NFIA: variants seen among roughly 807,000 people sequenced by gnomAD.
NFIA encodes nuclear factor 1 A-type.
A neutral mutation model predicts 62.8 loss-of-function variants in NFIA; 8 were observed. The observed-to-expected ratio is 0.13, with a 90% CI of 0.07 to 0.23. The LOEUF is 0.23. Among genes scored for constraint, NFIA ranks in the 10% least tolerant of loss-of-function variants. The pLI, the probability that NFIA is intolerant of heterozygous loss-of-function variation, is 1.00. For missense variants in NFIA, 410 were observed against 642.1 expected (o/e 0.64, Z 3.91); for synonymous variants, 235 against 238.1 (o/e 0.99, Z 0.12).
intron 2 of NFIA, among the ~76,000 whole-genome samples, chr1:61,151,597 G>A (rs981562513): frequency 2.0e-5 from 3 of 152,092 alleles, no homozygotes; most frequent in African/African-American, 4.8e-5. Context: ...ATTTTATGTC[G>A]CGTAACCATT....
upstream of NFIA, chr1:61,082,512 C>T: frequency 1.6e-6 from 2 of 1,260,078 alleles, no homozygotes; most frequent in East Asian, 3.6e-5. Flanking sequence ...ATGCCTTTAA[C>T]ACCCGCGTAC....
rs148460387 is a variant in NFIA at position 61,179,423 on chromosome 1, C to T, written c.559+90743C>T. Among the ~76,000 whole-genome samples the T allele has an allele frequency of 9.3e-3, 1,422 of 152,248 alleles. 14 individuals carry two copies. The highest frequency in any genetic ancestry group is 0.061 in the Middle Eastern group (18 of 294). On this transcript the variant is annotated intron_variant, in intron 2 of 10. Coordinates refer to ENST00000403491, the MANE Select transcript of NFIA (RefSeq NM_001134673.4). Reference sequence around the variant, plus strand: ...TGTATGCTGGGCAAGTCAATTTGTTCGAGTCTCAGTTTTCTCAGCTATAAA... The same window carrying T: ...TGTATGCTGGGCAAGTCAATTTGTTTGAGTCTCAGTTTTCTCAGCTATAAA...
intron 2 of NFIA, among the ~76,000 whole-genome samples, chr1:61,252,585 A>G (rs1656114205): frequency 2.0e-5 from 3 of 152,238 alleles, no homozygotes; most frequent in Admixed American, 2.0e-4. Context: ...ATTATTTTAG[A>G]AATATCTTTA....
intron 6 of NFIA, among the ~76,000 whole-genome samples, chr1:61,360,178 G>A (rs1361086038): frequency 1.3e-5 from 2 of 152,230 alleles, no homozygotes; most frequent in Non-Finnish European, 2.9e-5. Context: ...TCCTGGGGTA[G>A]TCTAATCTTG....
chr1:61,156,980 G>A (rs549736855), intron 2 of NFIA, among the ~76,000 whole-genome samples: 11 of 152,154 alleles, frequency 7.2e-5, no homozygotes, highest in Admixed American at 3.3e-4. Flanking sequence ...CAACTGTGGG[G>A]TATTCATTCT....
intron 10 of NFIA, among the ~76,000 whole-genome samples, chr1:61,448,908 A>G (rs949249351): frequency 6.6e-6 from 1 of 152,230 alleles, no homozygotes; most frequent in East Asian, 1.9e-4. Flanking sequence ...AACAGTCAGA[A>G]TAATTGGATT....
intron 3 of NFIA, among the ~76,000 whole-genome samples, chr1:61,294,706 G>C (rs1165812354): frequency 6.6e-6 from 1 of 152,184 alleles, no homozygotes; most frequent in African/African-American, 2.4e-5. Context: ...CTATCCCATA[G>C]TACATGTTCA....
rs1557631866 is a variant in NFIA at position 61,200,030 on chromosome 1, A to ACACATATATATATGTATATATATG, written c.560-77490_560-77489insCACATATATATATGTATATATATG. 5.1e-3 allele frequency among the ~76,000 whole-genome samples: 217 copies of ACACATATATATATGTATATATATG among 42,880 alleles called. 2 individuals are homozygous for ACACATATATATATGTATATATATG. The highest frequency in any genetic ancestry group is 0.022 in the African/African-American group (210 of 9,376). The allele number at this position is 42,880 out of a possible 152,430, so 28.1% of individuals were successfully genotyped here. A position where few individuals can be genotyped will look rare whatever the true frequency, so the allele number is the denominator to read the frequency against. ...TATATGTATATATATATATATATAT[A>ACACATATATATATGTATATATATG]TATATATATATATATATATATATAT... On this transcript the variant is annotated intron_variant, in intron 2 of 10. Transcript: ENST00000403491.
chr1:61,093,407 A>C lies in NFIA; in HGVS notation c.559+4727A>C, dbSNP rs1222439701. ...TATACAGTGATATTTAAATTAGGAG[A>C]GTAAGGATCACCCTATCAAACTCTA... On this transcript the variant is annotated intron_variant, in intron 2 of 10. Transcript: ENST00000403491. 7.2e-5 allele frequency among the ~76,000 whole-genome samples: 11 copies of C among 152,184 alleles called. No individual in the cohort carries two copies. The South Asian group carries it at 2.1e-3, about 29-fold the overall frequency.
chr1:61,081,650 C>T (rs1017345913), upstream of NFIA: 6 of 410,014 alleles, frequency 1.5e-5, no homozygotes, highest in Admixed American at 1.6e-4. Flanking sequence ...ACTAGTTTCA[C>T]AGTCCTGGGA....
At chr1:61,389,172 A>C (rs6660368) in intron 7 of NFIA, among the ~76,000 whole-genome samples, 78 of 152,308 alleles carry the variant, frequency 5.1e-4, no homozygotes, top group African/African-American at 1.8e-3. Context: ...TTGCAGTGCC[A>C]TCAGGGATTG....
chr1:61,247,974 C>G (rs1363872851), intron 2 of NFIA, among the ~76,000 whole-genome samples: 5 of 151,984 alleles, frequency 3.3e-5, no homozygotes, highest in South Asian at 2.1e-4. Flanking sequence ...ATTTCTGAAC[C>G]CTTAAAGGAC....
At chr1:61,448,045 TG>T in intron 10 of NFIA, among the ~76,000 whole-genome samples, 1 of 152,292 alleles carries the variant, frequency 6.6e-6, no homozygotes, top group East Asian at 1.9e-4. Context: ...TTGTGTACAG[TG>T]GGGGTTTGTA....
At chr1:61,240,098 G>A (rs543710449) in intron 2 of NFIA, among the ~76,000 whole-genome samples, 3 of 152,216 alleles carry the variant, frequency 2.0e-5, no homozygotes, top group African/African-American at 4.8e-5. Context: ...TCTACGTGAT[G>A]TTCTAATTTC....
At chr1:61,127,965 G>A (rs1008604881) in intron 2 of NFIA, among the ~76,000 whole-genome samples, 14 of 152,120 alleles carry the variant, frequency 9.2e-5, no homozygotes, top group Non-Finnish European at 1.6e-4. Context: ...TAGACCGGGA[G>A]CTCCTCAAGG....
rs569362835 is a variant in NFIA at position 61,404,107 on chromosome 1, G to A, written c.1079G>A (p.Ser360Asn). The A allele has an allele frequency of 6.2e-7, 1 of 1,613,868 alleles. No homozygotes were observed. Among genetic ancestry groups the A allele is most frequent in the Non-Finnish European group, 8.5e-7 (1 of 1,179,892 alleles). Residue 360 changes from serine (S) to asparagine (N), a missense_variant, in exon 8 of 11, where the codon AGT becomes AAT. Ser to Asn is a conservative substitution (Grantham distance 46). Transcript: ENST00000403491. Reference sequence around the variant, plus strand: ...CTGATGTTTTCTTTTCCTGCAGCAAGTCCGCATGCAACACCATCGACTCTT... The same window carrying A: ...CTGATGTTTTCTTTTCCTGCAGCAAATCCGCATGCAACACCATCGACTCTT... The part of the protein sequence containing the change: ...HRPVITGPRA[S>N]PHATPSTLHF...
At chr1:61,102,326 A>G (rs1041838427) in intron 2 of NFIA, among the ~76,000 whole-genome samples, 1 of 152,196 alleles carries the variant, frequency 6.6e-6, no homozygotes, top group South Asian at 2.1e-4. Context: ...AGAGAAAACC[A>G]TGTTGCTTCA....
intron 2 of NFIA, among the ~76,000 whole-genome samples, chr1:61,169,683 G>A (rs1233938239): frequency 1.3e-5 from 2 of 152,140 alleles, no homozygotes; most frequent in Non-Finnish European, 2.9e-5. Context: ...TGGGGAAAGC[G>A]AACGGTTTAA....
At chr1:61,128,002 C>T (rs1647005597) in intron 2 of NFIA, among the ~76,000 whole-genome samples, 1 of 152,148 alleles carries the variant, frequency 6.6e-6, no homozygotes, top group Non-Finnish European at 1.5e-5. Context: ...GTCTTTGACT[C>T]CCTAGCACTG....
Sources: allele counts gnomAD v4.1 joint callset (sites outside exome capture counted in the v4.1 genomes callset), GRCh38; gene constraint gnomAD v4.1.1; transcripts MANE v1.5; gene names NCBI Gene and HGNC (gene_info 2026-07-23, HGNC 2026-07-21).